Variants in SIPA1L3 observed in about 807,000 individuals in gnomAD.
SIPA1L3 encodes signal induced proliferation associated 1 like 3.
A neutral mutation model predicts 150.1 loss-of-function variants in SIPA1L3; 59 were observed. That is an observed-to-expected ratio of 0.39 (90% CI 0.32 to 0.49). The LOEUF (loss-of-function observed/expected upper bound fraction) is 0.49. Among genes scored for constraint, SIPA1L3 ranks in the 20% least tolerant of loss-of-function variants. SIPA1L3 has a pLI of 0.86. For missense variants in SIPA1L3, 2,211 were observed against 2,489.5 expected, an observed-to-expected ratio of 0.89 and a Z score of 2.38; for synonymous variants, 1,070 against 1,077.6, an observed-to-expected ratio of 0.99 and a Z score of 0.14.
chr19:38,039,398 G>T (rs1968861297), intron 2 of SIPA1L3, among the ~76,000 whole-genome samples: 1 of 142,842 alleles, frequency 7.0e-6, no homozygotes, highest in Non-Finnish European at 1.5e-5. Context: ...GGGGGTGGGG[G>T]TGGTGGGGGT....
intron 19 of SIPA1L3, among the ~76,000 whole-genome samples, chr19:38,198,816 A>G (rs773034335): frequency 1.3e-5 from 2 of 152,224 alleles, no homozygotes; most frequent in Non-Finnish European, 2.9e-5. Flanking sequence ...GAGGCCAAGC[A>G]CAGTGGTTCA....
At chr19:38,162,110 T>G in intron 13 of SIPA1L3, 143 bp from the exon 14 acceptor site, 1 of 700,820 alleles carries the variant, frequency 1.4e-6, no homozygotes, top group Admixed American at 2.1e-5. Flanking sequence ...AGATGTATTC[T>G]CTGTTACTGA....
intron 1 of SIPA1L3, among the ~76,000 whole-genome samples, chr19:37,944,689 A>G (rs2046693832): frequency 6.6e-6 from 1 of 152,104 alleles, no homozygotes; most frequent in Non-Finnish European, 1.5e-5. Flanking sequence ...GTGCATTCAC[A>G]CCTGTCATCC....
intron 9 of SIPA1L3, among the ~76,000 whole-genome samples, chr19:38,124,845 T>C (rs1971133662): frequency 6.6e-6 from 1 of 151,870 alleles, no homozygotes; most frequent in Admixed American, 6.6e-5. Flanking sequence ...ACCAAAAAAA[T>C]ACGAAAACCA....
intron 2 of SIPA1L3, among the ~76,000 whole-genome samples, chr19:38,080,977 A>T (rs1261136833): frequency 2.6e-5 from 4 of 152,084 alleles, no homozygotes; most frequent in Non-Finnish European, 5.9e-5. Flanking sequence ...CTCAAAAAAA[A>T]AAAAAAATGA....
chr19:38,114,913 T>C (rs997906326), intron 8 of SIPA1L3, among the ~76,000 whole-genome samples: 6 of 152,200 alleles, frequency 3.9e-5, no homozygotes, highest in Non-Finnish European at 4.4e-5. Context: ...CCGTCCATTC[T>C]TCATGAGGCA....
intron 18 of SIPA1L3, among the ~76,000 whole-genome samples, chr19:38,196,745 G>A (rs1972959931): frequency 6.6e-6 from 1 of 150,462 alleles, no homozygotes; most frequent in African/African-American, 2.4e-5. Context: ...GAGCATGGAG[G>A]CCGAGGGGGG....
intron 8 of SIPA1L3, among the ~76,000 whole-genome samples, chr19:38,111,588 T>C (rs186724787): frequency 3.9e-5 from 6 of 152,274 alleles, no homozygotes; most frequent in Admixed American, 3.3e-4. Flanking sequence ...TTACCGCGGG[T>C]CTACCAGCTG....
chr19:38,059,311 ATT>A lies in SIPA1L3; in HGVS notation c.-310-21925_-310-21924del, dbSNP rs35717284. On this transcript the variant is annotated intron_variant, in intron 2 of 21. Transcript: ENST00000222345. The stretch of plus-strand genomic sequence containing the variant: ...CCACCATGCCCAGCAAACAGCTGAG[ATT>A]TTTTTTTTTTTTTTTTTTTGAGACG... Among the ~76,000 whole-genome samples the A allele has an allele frequency of 0.011, 1,309 of 113,884 alleles. 22 individuals are homozygous for A. The South Asian group carries it at 0.13, about 11-fold the overall frequency. 74.7% of individuals were successfully genotyped at this position (113,884 alleles called of 152,430 possible).
intron 15 of SIPA1L3, among the ~76,000 whole-genome samples, chr19:38,175,654 G>T (rs962564862): frequency 1.3e-5 from 2 of 152,122 alleles, no homozygotes; most frequent in Admixed American, 1.3e-4. Flanking sequence ...GCAGCTCCGC[G>T]GTTCCTCCTC....
At chr19:38,129,403 A>G (rs919116899) in intron 9 of SIPA1L3, among the ~76,000 whole-genome samples, 4 of 151,720 alleles carry the variant, frequency 2.6e-5, no homozygotes, top group African/African-American at 9.7e-5. Flanking sequence ...AGGCGGGCAG[A>G]TCATGAGGTC....
intron 2 of SIPA1L3, among the ~76,000 whole-genome samples, chr19:38,043,567 G>T (rs554351746): frequency 6.6e-6 from 1 of 152,166 alleles, no homozygotes; most frequent in Admixed American, 6.5e-5. Context: ...AACACATCAG[G>T]CCCAAGAGGT....
rs142742078 is a variant in SIPA1L3, at chr19:38,106,930, AG to A, written c.2133+291del. On this transcript the variant is annotated intron_variant, in intron 7 of 21. Coordinates refer to ENST00000222345, the MANE Select transcript of SIPA1L3 (RefSeq NM_015073.3). ...CTGGTCTTAAGAAGAAGAGTGAATC[AG>A]TCAACATTATTTTGACTGCAAGTAA... is the stretch of plus-strand genomic sequence containing the variant. 0.026 allele frequency among the ~76,000 whole-genome samples: 3,954 copies of A among 152,378 alleles called. 165 individuals are homozygous for A. The highest frequency in any genetic ancestry group is 0.09 in the African/African-American group (3,728 of 41,584).
chr19:37,976,353 C>T (rs1489103614), intron 1 of SIPA1L3, among the ~76,000 whole-genome samples: 1 of 152,102 alleles, frequency 6.6e-6, no homozygotes, highest in African/African-American at 2.4e-5. Context: ...ATGCCCTGAT[C>T]ACTGACTCCA....
chr19:38,034,699 G>A lies in SIPA1L3; in HGVS notation c.-311+5543G>A, dbSNP rs559496018. 3.9e-5 allele frequency among the ~76,000 whole-genome samples: 6 copies of A among 152,302 alleles called. No homozygotes were observed. The South Asian group carries it at 8.3e-4, about 21-fold the overall frequency. On this transcript the variant is annotated intron_variant, in intron 2 of 21. Coordinates refer to ENST00000222345, the MANE Select transcript of SIPA1L3 (RefSeq NM_015073.3). ...AACTAACTACCTCCCACTGGTTCAG[G>A]TCTAGTCCTCGGGAGAGCACCAGCT...
intron 2 of SIPA1L3, among the ~76,000 whole-genome samples, chr19:38,068,253 T>A (rs1355453962): frequency 1.3e-5 from 2 of 151,984 alleles, no homozygotes; most frequent in Non-Finnish European, 2.9e-5. Context: ...ATGGTCTCGA[T>A]CTCCTGACCT....
At chr19:38,006,163 G>A (rs1967934166) in intron 1 of SIPA1L3, among the ~76,000 whole-genome samples, 1 of 152,164 alleles carries the variant, frequency 6.6e-6, no homozygotes, top group Non-Finnish European at 1.5e-5. Context: ...AAAGTTTGCT[G>A]GTCTAGGGGA....
At chr19:38,167,466 A>G (rs1459487165) in intron 15 of SIPA1L3, among the ~76,000 whole-genome samples, 1 of 152,146 alleles carries the variant, frequency 6.6e-6, no homozygotes, top group Non-Finnish European at 1.5e-5. Flanking sequence ...TCCTTGAGTC[A>G]AAGAGCCAGG....
chr19:38,165,748 G>A (rs1422030771), intron 15 of SIPA1L3, among the ~76,000 whole-genome samples: 2 of 152,102 alleles, frequency 1.3e-5, no homozygotes, highest in Non-Finnish European at 2.9e-5. Flanking sequence ...GGAGACCTGA[G>A]AACGTGCATT....
Sources: allele counts gnomAD v4.1 joint callset (sites outside exome capture counted in the v4.1 genomes callset), GRCh38; gene constraint gnomAD v4.1.1; transcripts MANE v1.5; gene names NCBI Gene and HGNC (gene_info 2026-07-23, HGNC 2026-07-21).